The following THOC5 variants were observed in gnomAD, a reference collection of about 807,000 sequenced individuals.
THOC5 encodes THO complex subunit 5, also known as Fms-interacting protein.
In THOC5, 43 loss-of-function variants were observed where a neutral mutation model predicts 92.9. That is an observed-to-expected ratio of 0.46 (90% confidence interval 0.36 to 0.60). THOC5 has a LOEUF of 0.60. Ranked by LOEUF, THOC5 falls within the 20% of genes least tolerant of loss-of-function variation. The pLI, the probability that THOC5 is intolerant of heterozygous loss-of-function variation, is 0.00. For missense variants in THOC5, 659 were observed against 849.4 expected (o/e 0.78, Z 2.79); for synonymous variants, 296 against 320.1 (o/e 0.92, Z 0.80).
chr22:29,527,028 G>A (rs1477785028), intron 11 of THOC5, among the ~76,000 whole-genome samples: 1 of 152,188 alleles, frequency 6.6e-6, no homozygotes, highest in Non-Finnish European at 1.5e-5. Context: ...GTGGATCGCT[G>A]TTAATCATAC....
chr22:29,549,447 T>G (rs528006654), intron 1 of THOC5, among the ~76,000 whole-genome samples: 2 of 152,268 alleles, frequency 1.3e-5, no homozygotes, highest in South Asian at 4.1e-4. Flanking sequence ...ACACTCTCCA[T>G]AGAGGAGACC....
At chr22:29,526,989 A>G (rs2063557423) in intron 11 of THOC5, among the ~76,000 whole-genome samples, 1 of 152,224 alleles carries the variant, frequency 6.6e-6, no homozygotes, top group South Asian at 2.1e-4. Context: ...TTTTGTTAAC[A>G]GTATTGGGCC....
chr22:29,537,696 C>G (rs2063787632), intron 6 of THOC5, among the ~76,000 whole-genome samples: 1 of 152,066 alleles, frequency 6.6e-6, no homozygotes, highest in South Asian at 2.1e-4. Flanking sequence ...TAGAGACCAT[C>G]CTGGCCAACA....
intron 11 of THOC5, among the ~76,000 whole-genome samples, chr22:29,526,328 C>T (rs533190183): frequency 8.5e-5 from 13 of 152,126 alleles, no homozygotes; most frequent in East Asian, 1.9e-4. Context: ...GTCAGGAGAT[C>T]GAGACCATCC....
chr22:29,506,874 A>G lies in THOC5; in HGVS notation c.*1583T>C, dbSNP rs2063145593. The G allele has an allele frequency of 6.6e-6, 1 of 151,946 alleles. No individual in the cohort carries two copies. The highest frequency in any genetic ancestry group is 1.5e-5 in the Non-Finnish European group (1 of 68,028). 9.4% of individuals were successfully genotyped at this position (151,946 alleles called of 1,614,324 possible). A position where few individuals can be genotyped will look rare whatever the true frequency, so the allele number is the denominator to read the frequency against. The stretch of plus-strand genomic sequence containing the variant: ...ATTATATGCAGATTTCTTTTTTTAA[A>G]ATTTTTTAGAGATAGGGACTCGCAT... On this transcript the variant is annotated 3_prime_UTR_variant, in exon 20 of 20. Transcript: ENST00000490103.
chr22:29,547,620 C>T (rs1419518428), intron 2 of THOC5, among the ~76,000 whole-genome samples: 1 of 152,200 alleles, frequency 6.6e-6, no homozygotes, highest in Non-Finnish European at 1.5e-5. Context: ...GCCTCAGACT[C>T]CCAAAGTGCT....
At position 29,521,691 on chromosome 22, in the gene THOC5, G is replaced by A. The variant is rs187197792; in HGVS notation, c.1176-592C>T. On this transcript the variant is annotated intron_variant, in intron 12 of 19. Transcript: ENST00000490103. ...ACACTGGAGACCCACAGCTACAAGCGGAGAGAAATAGTGACGCCACTGCCA... is the reference window on the plus strand; with the variant it reads ...ACACTGGAGACCCACAGCTACAAGCAGAGAGAAATAGTGACGCCACTGCCA... Among the ~76,000 whole-genome samples, 14 of 152,262 alleles carry A rather than the reference G, an allele frequency of 9.2e-5. No homozygotes were observed. The East Asian group carries it at 2.1e-3, about 23-fold the overall frequency.
intron 11 of THOC5, 108 bp from the exon 12 acceptor site, chr22:29,526,054 TACTAGG>T (rs1234734274): frequency 3.3e-6 from 1 of 307,294 alleles, no homozygotes; most frequent in African/African-American, 4.0e-5. Context: ...AAAAACTAAC[TACTAGG>T]TATTATGCCC....
intron 7 of THOC5, 180 bp downstream of exon 7, chr22:29,536,444 C>T: frequency 3.4e-6 from 2 of 586,738 alleles, no homozygotes; most frequent in Non-Finnish European, 6.1e-6. Flanking sequence ...TTCCTGAGGC[C>T]AGCACTTCTT....
chr22:29,512,320 G>A (rs1298037090), intron 17 of THOC5, among the ~76,000 whole-genome samples, 184 bp from the exon 18 acceptor site: 1 of 152,202 alleles, frequency 6.6e-6, no homozygotes, highest in East Asian at 1.9e-4. Flanking sequence ...TGCAGAATGT[G>A]AGGTCCTATA....
chr22:29,517,077 C>T lies in THOC5; in HGVS notation c.1633G>A (p.Ala545Thr). ...FTKDIVDAGL[A>T]GDTNLYYMAL... The stretch of plus-strand genomic sequence containing the variant: ...ATGTAGTAGAGATTGGTGTCCCCAG[C>T]CAGTCCCGCATCCACAATGTCTTTG... The change falls in exon 17 of 20, where the codon GCT becomes ACT. Residue 545 changes from alanine (A) to threonine (T), a missense_variant. Transcript: ENST00000490103. 1 of 1,614,154 alleles carries T rather than the reference C, an allele frequency of 6.2e-7. No individual in the cohort carries two copies. Among genetic ancestry groups the T allele is most frequent in the South Asian group, 1.1e-5 (1 of 91,084 alleles).
chr22:29,544,533 T>C lies in THOC5; in HGVS notation c.167A>G (p.Lys56Arg), dbSNP rs906388926. ...CCTCTGTAGCTCCTGGCAGGTGTAC[T>C]TGTATAACTCATAGTCTCTGCCAGG... Reference protein sequence around the residue: ...RDPGRDYELYKYTCQELQRLM... With the variant: ...RDPGRDYELYRYTCQELQRLM... Residue 56 changes from lysine (K) to arginine (R), a missense_variant, in exon 3 of 20, where the codon AAG becomes AGG. By Grantham distance (26) the Lys-to-Arg change is conservative. Transcript: ENST00000490103. 9 of 1,613,988 alleles carry C rather than the reference T, an allele frequency of 5.6e-6. No homozygotes were observed. Among genetic ancestry groups the C allele is most frequent in the African/African-American group, 5.3e-5 (4 of 74,924 alleles).
At chr22:29,535,299 G>A (rs2063738574) in intron 7 of THOC5, 1 of 151,680 alleles carries the variant, frequency 6.6e-6, no homozygotes, top group South Asian at 2.1e-4. Context: ...AAGTCATGGG[G>A]GGCGGTGGCA....
intron 14 of THOC5, 81 bp from the exon 15 acceptor site, chr22:29,519,201 G>T: frequency 1.1e-6 from 1 of 903,494 alleles, no homozygotes; most frequent in Non-Finnish European, 1.7e-6. Flanking sequence ...GGACCTGCCT[G>T]TCTGCGGCAC....
intron 5 of THOC5, among the ~76,000 whole-genome samples, chr22:29,542,169 GA>G (rs2146544745): frequency 6.6e-6 from 1 of 152,126 alleles, no homozygotes; most frequent in Admixed American, 6.6e-5. Flanking sequence ...TCCATTTGCA[GA>G]AATGAACTGC....
chr22:29,543,380 A>C (rs752097957), intron 4 of THOC5, 49 bp downstream of exon 4: 71 of 765,464 alleles, frequency 9.3e-5, no homozygotes, highest in Non-Finnish European at 1.3e-4. Flanking sequence ...AAAGAAGGGG[A>C]TGGGGAGGAG....
chr22:29,528,289 G>A (rs1895772019), intron 10 of THOC5, 112 bp from the exon 11 acceptor site: 6 of 1,613,920 alleles, frequency 3.7e-6, no homozygotes, highest in Non-Finnish European at 5.1e-6. Context: ...GCTTCAGCTA[G>A]CTGGGTTGTC....
intron 6 of THOC5, among the ~76,000 whole-genome samples, chr22:29,537,099 G>A (rs1359397821): frequency 6.6e-6 from 1 of 152,234 alleles, no homozygotes; most frequent in East Asian, 1.9e-4. Flanking sequence ...GAATACACAT[G>A]CCATCTTCTG....
In THOC5 at chr22:29,530,962, A is replaced by G. The variant is rs1303290864; in HGVS notation, c.847+869T>C. The G allele has an allele frequency of 3.5e-6, 3 of 862,600 alleles. No individual in the cohort carries two copies. The South Asian group carries it at 1.3e-4, about 38-fold the overall frequency. The allele number at this position is 862,600 out of a possible 1,614,324, so 53.4% of individuals were successfully genotyped here. Reference sequence around the variant, plus strand: ...TCACCCCAAGCAACTAGTTGCTCCCATCAAGCACTGGCAAACAACAGACTA... The same window carrying G: ...TCACCCCAAGCAACTAGTTGCTCCCGTCAAGCACTGGCAAACAACAGACTA... On this transcript the variant is annotated intron_variant, in intron 8 of 19. Coordinates refer to ENST00000490103, the MANE Select transcript of THOC5 (RefSeq NM_003678.5).
Sources: gnomAD v4.1 joint callset for allele counts (sites outside exome capture counted in the v4.1 genomes callset) on GRCh38, gnomAD v4.1.1 for gene constraint, MANE v1.5 for transcripts, NCBI Gene and HGNC (gene_info 2026-07-23, HGNC 2026-07-21) for gene names.